The following SNX29 variants were observed in gnomAD, a reference collection of about 807,000 sequenced individuals.
The protein encoded by SNX29 is sorting nexin-29.
Under a neutral mutation model 102.1 loss-of-function variants are expected in SNX29, and 78 were observed. The ratio of observed to expected loss-of-function variants is 0.76; its 90% confidence interval spans 0.64 to 0.92. The LOEUF is 0.92. Ranked by LOEUF, SNX29 falls within the 40% of genes least tolerant of loss-of-function variation. The pLI, the probability that SNX29 is intolerant of heterozygous loss-of-function variation, is 0.00. For synonymous variants in SNX29, 580 were observed against 414.5 expected (o/e 1.40, Z -4.85); for missense variants, 1,280 against 1,061.7 (o/e 1.21, Z -2.86).
At chr16:12,488,904 G>C (rs556536310) in intron 19 of SNX29, among the ~76,000 whole-genome samples, 1 of 152,110 alleles carries the variant, frequency 6.6e-6, no homozygotes, top group Non-Finnish European at 1.5e-5. Context: ...CCTATTTCTA[G>C]GTAGAACGCA....
At chr16:12,448,471 CTT>C (rs5815689) in intron 18 of SNX29, among the ~76,000 whole-genome samples, 4 of 147,744 alleles carry the variant, frequency 2.7e-5, no homozygotes, top group South Asian at 4.3e-4. Flanking sequence ...ATTGGGAACT[CTT>C]TTTTTTTTTT....
chr16:12,541,254 T>C (rs2077324801), intron 20 of SNX29, among the ~76,000 whole-genome samples: 1 of 152,164 alleles, frequency 6.6e-6, no homozygotes, highest in African/African-American at 2.4e-5. Flanking sequence ...TCATATCTTA[T>C]CAGGGAGAGA....
At chr16:12,297,490 C>T (rs2080021213) in intron 15 of SNX29, among the ~76,000 whole-genome samples, 1 of 152,046 alleles carries the variant, frequency 6.6e-6, no homozygotes, top group Non-Finnish European at 1.5e-5. Flanking sequence ...CTTCTCTCCT[C>T]CTCCGCATCC....
At chr16:12,451,356 G>C (rs1443130853) in intron 18 of SNX29, among the ~76,000 whole-genome samples, 2 of 152,222 alleles carry the variant, frequency 1.3e-5, no homozygotes, top group Non-Finnish European at 2.9e-5. Context: ...CTTGGTAGGG[G>C]AGAGAAAGCA....
chr16:12,390,149 G>GTGTGTGT (rs2083473340), intron 16 of SNX29, among the ~76,000 whole-genome samples: 4 of 145,588 alleles, frequency 2.7e-5, no homozygotes, highest in Non-Finnish European at 6.0e-5. Flanking sequence ...GCAATTGAGG[G>GTGTGTGT]GTGTGTGTGT....
rs147720322 is a variant in SNX29, at chr16:12,328,830, T to C, written c.1783-27333T>C. 1.1e-4 allele frequency among the ~76,000 whole-genome samples: 16 copies of C among 152,314 alleles called. No homozygotes were observed. In the East Asian group the frequency reaches 3.1e-3, roughly 29 times the overall value. On this transcript the variant is annotated intron_variant, in intron 15 of 20. Transcript: ENST00000566228. ...CAAAGATGGAGTTGATTGGCTCATG[T>C]AACAGACAATTCTGAGAATGCTGGC...
At chr16:12,254,782 G>A (rs1049044432) in intron 14 of SNX29, among the ~76,000 whole-genome samples, 5 of 152,174 alleles carry the variant, frequency 3.3e-5, no homozygotes, top group African/African-American at 9.7e-5. Context: ...TGAGGCAAGC[G>A]CAGTTGGTCC....
chr16:12,573,773 G>C lies in SNX29; in HGVS notation c.*5144G>C, dbSNP rs929640324. On this transcript the variant is annotated 3_prime_UTR_variant, in exon 21 of 21. Transcript: ENST00000566228. ...AGCTACTAAACGCTCAGTGACCCCA[G>C]AGACCATTAATTTCCCGGAGTGAAG... 1 of 222,782 alleles carries C rather than the reference G, an allele frequency of 4.5e-6. No homozygotes were observed. The highest frequency in any genetic ancestry group is 2.2e-5 in the African/African-American group (1 of 44,714). The allele number at this position is 222,782 out of a possible 1,614,324, so 13.8% of individuals were successfully genotyped here.
chr16:12,401,743 T>G (rs560855929), intron 17 of SNX29, among the ~76,000 whole-genome samples: 10 of 152,318 alleles, frequency 6.6e-5, no homozygotes, highest in South Asian at 2.1e-4. Flanking sequence ...GCTGTCTGCT[T>G]CTTTTATTGC....
chr16:12,552,138 C>T (rs1046572203), intron 20 of SNX29, among the ~76,000 whole-genome samples: 3 of 152,192 alleles, frequency 2.0e-5, no homozygotes, highest in South Asian at 2.1e-4. Context: ...GCCTGAGAGG[C>T]CACATTCCAG....
intron 3 of SNX29, among the ~76,000 whole-genome samples, chr16:12,009,033 C>T (rs560786646): frequency 9.9e-5 from 15 of 152,258 alleles, no homozygotes; most frequent in African/African-American, 2.2e-4. Context: ...TGAGCCACTG[C>T]GCCCGGCCTA....
intron 15 of SNX29, among the ~76,000 whole-genome samples, chr16:12,351,272 G>C (rs2081984866): frequency 6.6e-6 from 1 of 152,188 alleles, no homozygotes; most frequent in South Asian, 2.1e-4. Flanking sequence ...TAACAAAACA[G>C]GTGCAATGCC....
chr16:12,364,001 C>CT (rs897405141), intron 16 of SNX29, among the ~76,000 whole-genome samples: 13 of 151,656 alleles, frequency 8.6e-5, no homozygotes, highest in African/African-American at 3.1e-4. Context: ...ATATACTTTA[C>CT]TTTTTTTTAG....
chr16:12,494,228 C>G (rs1232655737), intron 19 of SNX29, among the ~76,000 whole-genome samples: 1 of 152,172 alleles, frequency 6.6e-6, no homozygotes. Context: ...AGTAGCAACT[C>G]TGGCTCCATT....
intron 10 of SNX29, among the ~76,000 whole-genome samples, chr16:12,071,052 G>C (rs1375114422): frequency 6.6e-6 from 1 of 151,744 alleles, no homozygotes; most frequent in African/African-American, 2.4e-5. Flanking sequence ...TGAGTTCATT[G>C]TAGATTCTGG....
At chr16:12,402,728 G>A (rs563085320) in intron 17 of SNX29, among the ~76,000 whole-genome samples, 1 of 152,340 alleles carries the variant, frequency 6.6e-6, no homozygotes, top group East Asian at 1.9e-4. Context: ...TAAAAGCATG[G>A]AGCTGTGCGT....
chr16:12,139,722 C>T (rs762404412), intron 13 of SNX29, among the ~76,000 whole-genome samples: 25 of 152,108 alleles, frequency 1.6e-4, no homozygotes, highest in Admixed American at 2.0e-4. Flanking sequence ...TGCAGTGGCT[C>T]ACGCCTATAA....
intron 20 of SNX29, among the ~76,000 whole-genome samples, chr16:12,531,269 C>G (rs563640874): frequency 2.6e-5 from 4 of 152,340 alleles, no homozygotes; most frequent in South Asian, 2.1e-4. Flanking sequence ...TCAGGGCGCA[C>G]TGGGACCTGG....
At chr16:12,022,873 A>G (rs2057070724) in intron 3 of SNX29, among the ~76,000 whole-genome samples, 1 of 148,066 alleles carries the variant, frequency 6.8e-6, no homozygotes, top group Non-Finnish European at 1.5e-5. Context: ...TCCATGTTGT[A>G]GCATGGATCA....
Sources: allele counts gnomAD v4.1 joint callset (sites outside exome capture counted in the v4.1 genomes callset), GRCh38; gene constraint gnomAD v4.1.1; transcripts MANE v1.5; gene names NCBI Gene and HGNC (gene_info 2026-07-23, HGNC 2026-07-21).